TAFA1: variants seen among roughly 807,000 people sequenced by gnomAD.
TAFA1 encodes the protein chemokine-like protein TAFA-1.
A neutral mutation model predicts 18.5 loss-of-function variants in TAFA1; 4 were observed. That is an observed-to-expected ratio of 0.22 (90% CI 0.11 to 0.49). The LOEUF is 0.49. Ranked by LOEUF, TAFA1 falls within the 20% of genes least tolerant of loss-of-function variation. The pLI is 0.98. For synonymous variants in TAFA1, 56 were observed against 55.2 expected, an observed-to-expected ratio of 1.01 and a Z score of -0.06; for missense variants, 147 against 169.0, an observed-to-expected ratio of 0.87 and a Z score of 0.72.
intron 2 of TAFA1, among the ~76,000 whole-genome samples, chr3:68,211,871 A>T (rs2066601679): frequency 6.6e-6 from 1 of 152,202 alleles, no homozygotes; most frequent in Admixed American, 6.5e-5. Flanking sequence ...ACACAGCACC[A>T]AGCCGTTTAT....
intron 2 of TAFA1, among the ~76,000 whole-genome samples, chr3:68,393,238 A>G (rs1316311888): frequency 2.6e-5 from 4 of 152,166 alleles, no homozygotes; most frequent in Non-Finnish European, 5.9e-5. Context: ...CTGTACACAA[A>G]TAAACTGGAA....
intron 2 of TAFA1, among the ~76,000 whole-genome samples, chr3:68,323,603 G>A (rs974212669): frequency 1.3e-5 from 2 of 152,140 alleles, no homozygotes; most frequent in Admixed American, 1.3e-4. Context: ...AAATGTGCAT[G>A]GTAGTTTTAA....
chr3:68,430,032 C>T (rs1457390465), intron 3 of TAFA1, among the ~76,000 whole-genome samples: 3 of 151,866 alleles, frequency 2.0e-5, no homozygotes, highest in Non-Finnish European at 4.4e-5. Context: ...TCACATAATG[C>T]TGAACAAAGA....
intron 2 of TAFA1, among the ~76,000 whole-genome samples, chr3:68,116,127 C>T (rs1401518952): frequency 2.0e-5 from 3 of 152,054 alleles, no homozygotes; most frequent in Non-Finnish European, 4.4e-5. Context: ...TGGTGGCGGG[C>T]CCCTGTAGTC....
chr3:68,288,471 T>C (rs2068054459), intron 2 of TAFA1, among the ~76,000 whole-genome samples: 1 of 152,182 alleles, frequency 6.6e-6, no homozygotes, highest in African/African-American at 2.4e-5. Flanking sequence ...GAAGATTATG[T>C]CGCCATTTGC....
intron 2 of TAFA1, among the ~76,000 whole-genome samples, chr3:68,323,963 A>C (rs1290725255): frequency 6.6e-6 from 1 of 152,144 alleles, no homozygotes; most frequent in South Asian, 2.1e-4. Context: ...AGACTCCAGG[A>C]ATTGTTGCAT....
intron 2 of TAFA1, among the ~76,000 whole-genome samples, chr3:68,269,040 C>G (rs1190477083): frequency 6.6e-6 from 1 of 152,126 alleles, no homozygotes; most frequent in African/African-American, 2.4e-5. Context: ...TTTCTCATCT[C>G]TAACACATTC....
chr3:68,135,352 T>C (rs2065594692), intron 2 of TAFA1, among the ~76,000 whole-genome samples: 1 of 152,220 alleles, frequency 6.6e-6, no homozygotes, highest in African/African-American at 2.4e-5. Context: ...ATTTCTTCTT[T>C]GACATTGTCC....
intron 2 of TAFA1, among the ~76,000 whole-genome samples, chr3:68,402,266 G>A (rs1214957459): frequency 6.6e-6 from 1 of 152,166 alleles, no homozygotes; most frequent in Non-Finnish European, 1.5e-5. Context: ...TTGCTGACAT[G>A]CCTGGAGAGG....
chr3:68,281,910 G>A (rs2067904366), intron 2 of TAFA1, among the ~76,000 whole-genome samples: 1 of 152,228 alleles, frequency 6.6e-6, no homozygotes, highest in Admixed American at 6.5e-5. Flanking sequence ...TTCTCACGCT[G>A]CTAATAAAGA....
At chr3:68,184,299 G>T (rs537063132) in intron 2 of TAFA1, among the ~76,000 whole-genome samples, 6 of 152,216 alleles carry the variant, frequency 3.9e-5, no homozygotes, top group African/African-American at 1.4e-4. Context: ...ACATGACAGC[G>T]ATTTCAAAGC....
upstream of TAFA1, among the ~76,000 whole-genome samples, chr3:68,000,624 A>G (rs1227413092): frequency 6.6e-6 from 1 of 152,238 alleles, no homozygotes; most frequent in Non-Finnish European, 1.5e-5. Context: ...AAGGCTTTTA[A>G]GTAACAGGAG....
At chr3:68,465,268 C>A (rs149581421) in intron 3 of TAFA1, among the ~76,000 whole-genome samples, 1,580 of 152,206 alleles carry the variant, frequency 0.01, 13 homozygotes, top group Non-Finnish European at 0.015. Flanking sequence ...GCAGCAGATA[C>A]CTTGTAACCA....
rs141190916 is a variant in TAFA1 at position 68,245,712 on chromosome 3, T to A, written c.119-171568T>A. On this transcript the variant is annotated intron_variant, in intron 2 of 4. Transcript: ENST00000478136. ...TGAATTGCCTTGCTTCCTCTACTGA[T>A]TACTTGCTAAATGACCTTGAGCAGC... Among the ~76,000 whole-genome samples the A allele has an allele frequency of 3.8e-3, 585 of 152,356 alleles. 4 individuals are homozygous for A. Among genetic ancestry groups the A allele is most frequent in the African/African-American group, 0.013 (551 of 41,594 alleles).
In TAFA1 at chr3:68,186,539, T is replaced by C. The variant is rs936905982; in HGVS notation, c.118+179795T>C. ...TTTTCCCTTTTCTTTCACCATTGTA[T>C]GCCTCATCTCTTGTACTGGGACAGA... is the stretch of plus-strand genomic sequence containing the variant. On this transcript the variant is annotated intron_variant, in intron 2 of 4. Coordinates refer to ENST00000478136, the MANE Select transcript of TAFA1 (RefSeq NM_213609.4). 2.9e-4 allele frequency among the ~76,000 whole-genome samples: 44 copies of C among 152,114 alleles called. 1 individual carries two copies. The highest frequency in any genetic ancestry group is 9.7e-4 in the African/African-American group (40 of 41,446).
At chr3:68,158,729 G>A (rs1318021955) in intron 2 of TAFA1, among the ~76,000 whole-genome samples, 1 of 152,028 alleles carries the variant, frequency 6.6e-6, no homozygotes, top group Non-Finnish European at 1.5e-5. Context: ...TGGATCCTTT[G>A]CCATTTGCAT....
rs1559711631 is a variant in TAFA1, at chr3:68,539,679, GGGGGGGCA to G, written c.384+800_384+807del. The stretch of plus-strand genomic sequence containing the variant: ...TTTGTCTCTCTCTGTGTGTGTGTGT[GGGGGGGCA>G]TGGGGTGGGTGGGTGGGTGTGTGCA... On this transcript the variant is annotated intron_variant, in intron 4 of 4. Transcript: ENST00000478136. 1.5e-4 allele frequency among the ~76,000 whole-genome samples: 7 copies of G among 47,504 alleles called. 1 individual carries two copies. The South Asian group carries it at 5.0e-3, about 34-fold the overall frequency. The allele number at this position is 47,504 out of a possible 152,430, so 31.2% of individuals were successfully genotyped here.
intron 2 of TAFA1, among the ~76,000 whole-genome samples, chr3:68,180,064 G>A (rs1387419574): frequency 6.4e-5 from 9 of 141,090 alleles, no homozygotes; most frequent in Non-Finnish European, 1.1e-4. Context: ...GTCTTACTCT[G>A]TCACCCAGGC....
intron 2 of TAFA1, among the ~76,000 whole-genome samples, chr3:68,311,041 G>A (rs898076531): frequency 4.5e-4 from 69 of 152,296 alleles, no homozygotes; most frequent in African/African-American, 1.5e-3. Flanking sequence ...AAGGCAAGGA[G>A]GATCAAATCA....
Sources: gnomAD v4.1 joint callset for allele counts (sites outside exome capture counted in the v4.1 genomes callset) on GRCh38, gnomAD v4.1.1 for gene constraint, MANE v1.5 for transcripts, NCBI Gene and HGNC (gene_info 2026-07-23, HGNC 2026-07-21) for gene names.